Variants in SGCZ observed in about 807,000 individuals in gnomAD.
SGCZ encodes the protein zeta-sarcoglycan.
A neutral mutation model predicts 41.3 loss-of-function variants in SGCZ; 40 were observed. The ratio of observed to expected loss-of-function variants is 0.97; its 90% CI spans 0.75 to 1.26. SGCZ has a LOEUF of 1.26. Ranked by LOEUF, SGCZ falls within the 50% of genes most tolerant of loss-of-function variation. The probability of loss-of-function intolerance (pLI) is 0.00; values close to 1 mark genes in which losing one functional copy is unlikely to be tolerated. For synonymous variants in SGCZ, 206 were observed against 137.5 expected, an observed-to-expected ratio of 1.50 and a Z score of -3.49; for missense variants, 552 against 369.8, an observed-to-expected ratio of 1.49 and a Z score of -4.04.
intron 1 of SGCZ, among the ~76,000 whole-genome samples, chr8:14,629,268 A>C (rs1444901367): frequency 1.3e-5 from 2 of 151,646 alleles, no homozygotes; most frequent in Non-Finnish European, 2.9e-5. Context: ...TTGCATATCA[A>C]TAAATCACTT....
intron 1 of SGCZ, among the ~76,000 whole-genome samples, chr8:15,056,394 C>T (rs762481065): frequency 2.6e-5 from 4 of 152,088 alleles, no homozygotes; most frequent in Admixed American, 1.3e-4. Context: ...ATTACATTTT[C>T]TGCAACATGG....
chr8:15,137,170 G>T (rs945716841), intron 1 of SGCZ, among the ~76,000 whole-genome samples: 1 of 152,084 alleles, frequency 6.6e-6, no homozygotes. Flanking sequence ...CTCTTACTAT[G>T]TTTTAGCAAA....
At chr8:14,803,318 G>C (rs2466922) in intron 1 of SGCZ, among the ~76,000 whole-genome samples, 54,901 of 151,982 alleles carry the variant, frequency 0.36, 11,768 homozygotes, top group East Asian at 0.49. Context: ...CTGAGGTACC[G>C]GATTCATCTC....
intron 1 of SGCZ, among the ~76,000 whole-genome samples, chr8:14,952,300 C>T (rs1017255146): frequency 6.6e-6 from 1 of 151,962 alleles, no homozygotes; most frequent in African/African-American, 2.4e-5. Flanking sequence ...ATTTTAAAAC[C>T]AATTTGAAGT....
chr8:14,674,944 T>G (rs1171628432), intron 1 of SGCZ, among the ~76,000 whole-genome samples: 2 of 117,902 alleles, frequency 1.7e-5, no homozygotes, highest in Non-Finnish European at 3.3e-5. Context: ...TTTTTTTTTT[T>G]TTTTTTTTTT....
intron 1 of SGCZ, among the ~76,000 whole-genome samples, chr8:14,808,645 A>C (rs1407913371): frequency 1.3e-5 from 2 of 152,110 alleles, no homozygotes; most frequent in African/African-American, 4.8e-5. Context: ...CTGCAAACTA[A>C]TTCAACCATT....
intron 1 of SGCZ, among the ~76,000 whole-genome samples, chr8:14,766,704 G>T (rs1800045690): frequency 6.7e-6 from 1 of 149,928 alleles, no homozygotes; most frequent in South Asian, 2.1e-4. Context: ...TGGGACCACA[G>T]GCACCTGTCA....
At chr8:15,157,718 C>G (rs936519338) in intron 1 of SGCZ, among the ~76,000 whole-genome samples, 7 of 152,166 alleles carry the variant, frequency 4.6e-5, no homozygotes, top group African/African-American at 1.7e-4. Context: ...CTTAGGCACC[C>G]TGAATGAAAC....
intron 1 of SGCZ, among the ~76,000 whole-genome samples, chr8:14,735,701 G>T (rs111523962): frequency 1.3e-5 from 2 of 152,074 alleles, no homozygotes; most frequent in East Asian, 3.9e-4. Flanking sequence ...ACTCCCTTTC[G>T]TATATACATC....
intron 1 of SGCZ, among the ~76,000 whole-genome samples, chr8:15,021,684 T>C (rs1308455397): frequency 6.6e-6 from 1 of 152,230 alleles, no homozygotes; most frequent in Non-Finnish European, 1.5e-5. Flanking sequence ...CACCACAGGA[T>C]CCACACTTCT....
chr8:14,237,560 A>C, intron 4 of SGCZ, 32 bp downstream of exon 4: 1 of 1,589,348 alleles, frequency 6.3e-7, no homozygotes, highest in South Asian at 1.1e-5. Context: ...AACCAAGCAC[A>C]GTAGGAGCAA....
At chr8:14,126,689 G>C (rs1197713321) in intron 5 of SGCZ, among the ~76,000 whole-genome samples, 1 of 152,122 alleles carries the variant, frequency 6.6e-6, no homozygotes, top group South Asian at 2.1e-4. Context: ...ACACACGTAT[G>C]TTTACTGCAA....
intron 4 of SGCZ, among the ~76,000 whole-genome samples, chr8:14,198,611 GA>G (rs1177993078): frequency 6.6e-6 from 1 of 151,850 alleles, no homozygotes; most frequent in Non-Finnish European, 1.5e-5. Context: ...AAAAAAAGAG[GA>G]AAAAAAGAAC....
chr8:14,716,880 A>G (rs1474767386), intron 1 of SGCZ, among the ~76,000 whole-genome samples: 1 of 152,126 alleles, frequency 6.6e-6, no homozygotes, highest in Non-Finnish European at 1.5e-5. Flanking sequence ...TATAAAGCCT[A>G]CTTCCTCTAA....
intron 5 of SGCZ, among the ~76,000 whole-genome samples, chr8:14,128,433 C>T (rs772489993): frequency 1.4e-4 from 22 of 152,070 alleles, no homozygotes; most frequent in Non-Finnish European, 2.2e-4. Flanking sequence ...TAAAAGGGAA[C>T]GCTTATACAC....
chr8:14,718,853 A>ATT (rs1210297566), intron 1 of SGCZ, among the ~76,000 whole-genome samples: 3 of 147,528 alleles, frequency 2.0e-5, no homozygotes, highest in East Asian at 4.0e-4. Context: ...ATATATATAT[A>ATT]TTTTTATTAT....
chr8:15,097,822 G>GTA (rs1169671386), intron 1 of SGCZ, among the ~76,000 whole-genome samples: 107 of 99,992 alleles, frequency 1.1e-3, no homozygotes, highest in East Asian at 1.1e-3. Context: ...ATACGTGTGT[G>GTA]TATATATATA....
chr8:14,190,671 C>T (rs1020004888), intron 4 of SGCZ, among the ~76,000 whole-genome samples: 2 of 151,932 alleles, frequency 1.3e-5, no homozygotes, highest in South Asian at 2.1e-4. Flanking sequence ...GACGCGATCT[C>T]GGCTCACTAC....
At chr8:14,847,174 G>GAAGAAC (rs1306290624) in intron 1 of SGCZ, among the ~76,000 whole-genome samples, 2 of 143,666 alleles carry the variant, frequency 1.4e-5, no homozygotes, top group Non-Finnish European at 3.0e-5. Context: ...AGAAGAAGAA[G>GAAGAAC]AAGAAGAAGA....
Sources: allele counts gnomAD v4.1 joint callset (sites outside exome capture counted in the v4.1 genomes callset), GRCh38; gene constraint gnomAD v4.1.1; transcripts MANE v1.5; gene names NCBI Gene and HGNC (gene_info 2026-07-23, HGNC 2026-07-21).